STXBP5: variants seen among roughly 807,000 people sequenced by gnomAD.
STXBP5 encodes the protein syntaxin binding protein 5.
In STXBP5, 50 loss-of-function variants were observed where a neutral mutation model predicts 152.4. The ratio of observed to expected loss-of-function variants is 0.33; its 90% CI spans 0.26 to 0.42. The LOEUF is 0.42. Ranked by LOEUF, STXBP5 falls within the 10% of genes least tolerant of loss-of-function variation. The pLI is 1.00. For synonymous variants in STXBP5, 492 were observed against 494.7 expected (o/e 0.99, Z 0.07); for missense variants, 1,167 against 1,388.6 (o/e 0.84, Z 2.54).
rs1781262836 is a variant in STXBP5, at chr6:147,291,263, T to G, written c.917+91T>G. The G allele has an allele frequency of 8.0e-6, 8 of 1,002,502 alleles. No homozygotes were observed. In the South Asian group the frequency reaches 1.4e-4, roughly 17 times the overall value. The allele number at this position is 1,002,502 out of a possible 1,614,324, so 62.1% of individuals were successfully genotyped here. A position where few individuals can be genotyped will look rare whatever the true frequency, so the allele number is the denominator to read the frequency against. ...TTATCATTAATTTTGAAGGCCTATT[T>G]TAGAATAGTCTACACCATTCTTAAA... On this transcript the variant is annotated intron_variant, in intron 9 of 27. Transcript: ENST00000321680.
intron 7 of STXBP5, among the ~76,000 whole-genome samples, chr6:147,277,700 A>C (rs913097457): frequency 1.3e-5 from 2 of 152,094 alleles, no homozygotes; most frequent in African/African-American, 4.8e-5. Context: ...ATTTTATTCT[A>C]ATCTTGTCAT....
At chr6:147,275,292 C>A (rs562922971) in intron 7 of STXBP5, among the ~76,000 whole-genome samples, 74 of 152,154 alleles carry the variant, frequency 4.9e-4, no homozygotes, top group Non-Finnish European at 1.0e-3. Flanking sequence ...TTGTCAGATA[C>A]TACATCTTTT....
intron 16 of STXBP5, among the ~76,000 whole-genome samples, chr6:147,323,189 T>C (rs951473441): frequency 2.0e-5 from 3 of 152,122 alleles, no homozygotes; most frequent in Non-Finnish European, 4.4e-5. Flanking sequence ...AAAGTATTAA[T>C]AGCTGCAAGG....
chr6:147,295,784 C>G (rs762040312), intron 9 of STXBP5, among the ~76,000 whole-genome samples: 1 of 152,180 alleles, frequency 6.6e-6, no homozygotes, highest in Non-Finnish European at 1.5e-5. Flanking sequence ...CAAGGAATTT[C>G]CATGAAGCTG....
intron 4 of STXBP5, 66 bp from the exon 5 acceptor site, chr6:147,260,549 T>C: frequency 6.3e-7 from 1 of 1,582,736 alleles, no homozygotes; most frequent in Non-Finnish European, 8.7e-7. Flanking sequence ...TAATCAACCC[T>C]CTAATGCAAT....
intron 21 of STXBP5, among the ~76,000 whole-genome samples, chr6:147,341,145 C>T (rs1784073125): frequency 6.6e-6 from 1 of 151,880 alleles, no homozygotes; most frequent in Non-Finnish European, 1.5e-5. Flanking sequence ...TTTCTTCTTT[C>T]AAAGGGAGAC....
chr6:147,345,521 G>T (rs965212527), intron 21 of STXBP5, among the ~76,000 whole-genome samples: 1 of 151,910 alleles, frequency 6.6e-6, no homozygotes, highest in Non-Finnish European at 1.5e-5. Context: ...AGTAGTGTTG[G>T]ATCTCTGCCT....
At chr6:147,323,143 C>T (rs1582943369) in intron 16 of STXBP5, among the ~76,000 whole-genome samples, 1 of 149,734 alleles carries the variant, frequency 6.7e-6, no homozygotes, top group East Asian at 2.1e-4. Flanking sequence ...CCAATTCATT[C>T]AGTAAATATT....
At chr6:147,320,577 G>GTGTGTGTTTGTT (rs1554297933) in intron 16 of STXBP5, among the ~76,000 whole-genome samples, 1 of 131,074 alleles carries the variant, frequency 7.6e-6, no homozygotes, top group African/African-American at 3.3e-5. Flanking sequence ...GTGTGTGTGT[G>GTGTGTGTTTGTT]TGTGTGTGTG....
intron 4 of STXBP5, among the ~76,000 whole-genome samples, chr6:147,239,697 A>G (rs1307455140): frequency 6.6e-6 from 1 of 152,194 alleles, no homozygotes; most frequent in East Asian, 1.9e-4. Flanking sequence ...TAATTTATTC[A>G]GCCATTCCTC....
intron 23 of STXBP5, among the ~76,000 whole-genome samples, chr6:147,361,894 G>T (rs995106136): frequency 6.6e-6 from 1 of 152,158 alleles, no homozygotes; most frequent in South Asian, 2.1e-4. Flanking sequence ...AATTAAAACT[G>T]TAAGATTATA....
intron 16 of STXBP5, among the ~76,000 whole-genome samples, chr6:147,323,612 G>A (rs1364206235): frequency 2.0e-5 from 3 of 152,024 alleles, no homozygotes; most frequent in Admixed American, 6.6e-5. Context: ...GGCTGGTCTC[G>A]AACTCTTGAC....
intron 9 of STXBP5, among the ~76,000 whole-genome samples, chr6:147,297,258 C>T (rs1781572513): frequency 6.6e-6 from 1 of 152,148 alleles, no homozygotes; most frequent in South Asian, 2.1e-4. Flanking sequence ...CAACGGATTT[C>T]TCAGCAGAAG....
chr6:147,224,319 G>T (rs1474478453), intron 2 of STXBP5, among the ~76,000 whole-genome samples: 1 of 152,152 alleles, frequency 6.6e-6, no homozygotes, highest in Admixed American at 6.5e-5. Flanking sequence ...CCAGCTACTG[G>T]GAGGCTGAGG....
chr6:147,372,254 T>A (rs151319433), intron 25 of STXBP5, among the ~76,000 whole-genome samples: 230 of 152,074 alleles, frequency 1.5e-3, no homozygotes, highest in African/African-American at 5.2e-3. Flanking sequence ...TATGGATATG[T>A]CTAAAAGAAA....
chr6:147,253,243 C>T (rs1779187878), intron 4 of STXBP5, among the ~76,000 whole-genome samples: 1 of 152,092 alleles, frequency 6.6e-6, no homozygotes, highest in South Asian at 2.1e-4. Flanking sequence ...AGAAGGCCTT[C>T]AACAAAATTC....
intron 26 of STXBP5, among the ~76,000 whole-genome samples, chr6:147,374,229 A>C (rs1785702662): frequency 6.6e-6 from 1 of 152,226 alleles, no homozygotes. Flanking sequence ...TAGTTCATTT[A>C]ACCTTCATCA....
intron 25 of STXBP5, among the ~76,000 whole-genome samples, 171 bp from the exon 26 acceptor site, chr6:147,373,556 CTGTT>C (rs779094821): frequency 6.6e-6 from 1 of 152,096 alleles, no homozygotes; most frequent in African/African-American, 2.4e-5. Context: ...TTTAGAAACA[CTGTT>C]TGAATAAATC....
intron 9 of STXBP5, among the ~76,000 whole-genome samples, chr6:147,308,549 A>C (rs1055776158): frequency 6.6e-6 from 1 of 152,204 alleles, no homozygotes; most frequent in African/African-American, 2.4e-5. Flanking sequence ...CAAATCACAC[A>C]AAACCACTGC....
Sources: allele counts gnomAD v4.1 joint callset (sites outside exome capture counted in the v4.1 genomes callset), GRCh38; gene constraint gnomAD v4.1.1; transcripts MANE v1.5; gene names NCBI Gene and HGNC (gene_info 2026-07-23, HGNC 2026-07-21).